The following PTPRD variants were observed in gnomAD, a reference collection of about 807,000 sequenced individuals.
PTPRD encodes the protein receptor-type tyrosine-protein phosphatase delta.
A neutral mutation model predicts 214.5 loss-of-function variants in PTPRD; 34 were observed. That is an observed-to-expected ratio of 0.16 (90% confidence interval 0.12 to 0.21). PTPRD has a LOEUF of 0.21. Ranked by LOEUF, PTPRD falls within the 10% of genes least tolerant of loss-of-function variation. PTPRD has a pLI of 1.00. For synonymous variants in PTPRD, 1,128 were observed against 845.7 expected, an observed-to-expected ratio of 1.33 and a Z score of -5.79; for missense variants, 2,545 against 2,398.7, an observed-to-expected ratio of 1.06 and a Z score of -1.27.
chr9:9,257,827 C>G (rs1428832857), intron 9 of PTPRD, among the ~76,000 whole-genome samples: 1 of 151,822 alleles, frequency 6.6e-6, no homozygotes, highest in East Asian at 2.0e-4. Flanking sequence ...AATGCCAACT[C>G]TATGCAAACT....
chr9:8,755,267 C>T (rs1012935998), intron 11 of PTPRD, among the ~76,000 whole-genome samples: 13 of 150,970 alleles, frequency 8.6e-5, no homozygotes, highest in Admixed American at 2.0e-4. Flanking sequence ...CGGTGGCTCA[C>T]GCCTGTAATC....
intron 10 of PTPRD, among the ~76,000 whole-genome samples, chr9:9,089,131 G>C (rs1266602552): frequency 6.6e-6 from 1 of 152,178 alleles, no homozygotes; most frequent in Admixed American, 6.5e-5. Context: ...AAGTGTGTGT[G>C]TGTGTTGAGT....
At position 8,330,791 on chromosome 9, in the gene PTPRD, CTATAGTTTTCTTTGATG is replaced by C. The variant is rs539844588; in HGVS notation, c.5534+774_5534+790del. On this transcript the variant is annotated intron_variant, in intron 44 of 45. Transcript: ENST00000381196. ...ATCCTGCCTTCTATGTCGTAAAGAA[CTATAGTTTTCTTTGATG>C]TGCTGAAGCAAAATATATTTTTTAA... 2.1e-3 allele frequency among the ~76,000 whole-genome samples: 325 copies of C among 152,138 alleles called. 4 individuals carry two copies. In the Middle Eastern group the frequency reaches 0.037, roughly 18 times the overall value.
At chr9:9,730,474 T>C (rs1237693816) in intron 7 of PTPRD, among the ~76,000 whole-genome samples, 1 of 152,082 alleles carries the variant, frequency 6.6e-6, no homozygotes, top group Non-Finnish European at 1.5e-5. Flanking sequence ...AATTGGGGCG[T>C]AGGCTGTGGC....
chr9:10,559,127 G>T lies in PTPRD; in HGVS notation c.-600+53271C>A, dbSNP rs1413393896. Among the ~76,000 whole-genome samples the T allele has an allele frequency of 6.6e-5, 10 of 152,104 alleles. No homozygotes were observed. In the East Asian group the frequency reaches 1.2e-3, roughly 18 times the overall value. ...GACTTAGAAAATAGAAAAACATGAA[G>T]ACCTTAAATGCTTCCACTGAAGAGA... On this transcript the variant is annotated intron_variant, in intron 2 of 45. Coordinates refer to ENST00000381196, the MANE Select transcript of PTPRD (RefSeq NM_002839.4).
intron 10 of PTPRD, among the ~76,000 whole-genome samples, chr9:9,170,517 A>G (rs1182465700): frequency 6.6e-6 from 1 of 152,176 alleles, no homozygotes; most frequent in East Asian, 1.9e-4. Flanking sequence ...TACCTTGGTC[A>G]GTTCCAAATT....
chr9:9,399,014 G>A (rs1587183881), intron 8 of PTPRD, among the ~76,000 whole-genome samples: 1 of 152,012 alleles, frequency 6.6e-6, no homozygotes. Flanking sequence ...CTATTCTTCA[G>A]GGCCCACAAC....
At chr9:10,448,276 G>A (rs886066524) in intron 2 of PTPRD, among the ~76,000 whole-genome samples, 3 of 151,910 alleles carry the variant, frequency 2.0e-5, no homozygotes, top group African/African-American at 7.3e-5. Context: ...GTTGGTGATA[G>A]CCTGGCTCTT....
At chr9:8,479,354 A>G (rs2096832915) in intron 30 of PTPRD, among the ~76,000 whole-genome samples, 1 of 152,194 alleles carries the variant, frequency 6.6e-6, no homozygotes, top group African/African-American at 2.4e-5. Flanking sequence ...TTTCTTCCCC[A>G]AAGTGGCTGT....
intron 5 of PTPRD, among the ~76,000 whole-genome samples, chr9:9,783,008 A>G (rs1175353516): frequency 6.6e-6 from 1 of 152,198 alleles, no homozygotes; most frequent in Non-Finnish European, 1.5e-5. Context: ...AAGTAACCAA[A>G]TCATCATGGA....
At chr9:9,295,652 T>A (rs2134350836) in intron 9 of PTPRD, among the ~76,000 whole-genome samples, 1 of 151,916 alleles carries the variant, frequency 6.6e-6, no homozygotes, top group East Asian at 1.9e-4. Flanking sequence ...CAAAAGTAAT[T>A]ATATTTTATT....
At chr9:9,079,356 C>A (rs1189769932) in intron 10 of PTPRD, among the ~76,000 whole-genome samples, 1 of 152,046 alleles carries the variant, frequency 6.6e-6, no homozygotes, top group African/African-American at 2.4e-5. Flanking sequence ...TCAGTTCCAT[C>A]TATGTTGCCA....
intron 11 of PTPRD, among the ~76,000 whole-genome samples, chr9:8,974,032 T>C (rs541378504): frequency 3.9e-5 from 6 of 152,270 alleles, no homozygotes; most frequent in African/African-American, 1.4e-4. Flanking sequence ...CCATAGTTTC[T>C]TTTGTTTTGC....
intron 8 of PTPRD, among the ~76,000 whole-genome samples, chr9:9,459,520 T>G (rs181351986): frequency 6.6e-6 from 1 of 152,204 alleles, no homozygotes; most frequent in African/African-American, 2.4e-5. Context: ...AGATACAAAA[T>G]TAATACACAA....
At chr9:10,514,714 T>C (rs2049423428) in intron 2 of PTPRD, among the ~76,000 whole-genome samples, 2 of 151,982 alleles carry the variant, frequency 1.3e-5, no homozygotes, top group South Asian at 4.1e-4. Flanking sequence ...TTTATTGTAT[T>C]ATACAGACTA....
intron 39 of PTPRD, among the ~76,000 whole-genome samples, chr9:8,350,421 G>A (rs978608504): frequency 1.3e-5 from 2 of 152,082 alleles, no homozygotes; most frequent in Non-Finnish European, 2.9e-5. Context: ...TAATTTGATT[G>A]GATATAGTTC....
chr9:10,081,460 G>T (rs1590614919), intron 3 of PTPRD, among the ~76,000 whole-genome samples: 1 of 151,976 alleles, frequency 6.6e-6, no homozygotes, highest in African/African-American at 2.4e-5. Context: ...AGGTCATGAA[G>T]GTGGAGCCCA....
intron 11 of PTPRD, among the ~76,000 whole-genome samples, chr9:8,985,223 T>C (rs190868933): frequency 3.9e-5 from 6 of 152,214 alleles, no homozygotes; most frequent in African/African-American, 9.6e-5. Context: ...ATACCAAGGA[T>C]ATACTAGGCA....
intron 3 of PTPRD, among the ~76,000 whole-genome samples, chr9:10,216,013 T>G (rs1403663099): frequency 6.6e-6 from 1 of 152,046 alleles, no homozygotes; most frequent in African/African-American, 2.4e-5. Context: ...TAAGGAAAAG[T>G]GAGAGCATAA....
Sources: gnomAD v4.1 joint callset for allele counts (sites outside exome capture counted in the v4.1 genomes callset) on GRCh38, gnomAD v4.1.1 for gene constraint, MANE v1.5 for transcripts, NCBI Gene and HGNC (gene_info 2026-07-23, HGNC 2026-07-21) for gene names.